PLXNA4: variants seen among roughly 807,000 people sequenced by gnomAD.
PLXNA4 encodes the protein plexin-A4.
Under a neutral mutation model 191.8 loss-of-function variants are expected in PLXNA4, and 44 were observed. That is an observed-to-expected ratio of 0.23 (90% CI 0.18 to 0.29). The LOEUF is 0.29. Ranked by LOEUF, PLXNA4 falls within the 10% of genes least tolerant of loss-of-function variation. The probability of loss-of-function intolerance (pLI) is 1.00; values close to 1 mark genes in which losing one functional copy is unlikely to be tolerated. For missense variants in PLXNA4, 1,800 were observed against 2,488.8 expected, an observed-to-expected ratio of 0.72 and a Z score of 5.89; for synonymous variants, 1,082 against 1,009.5, an observed-to-expected ratio of 1.07 and a Z score of -1.36.
intron 3 of PLXNA4, among the ~76,000 whole-genome samples, chr7:132,338,750 GA>G (rs1420790425): frequency 1.3e-5 from 2 of 152,134 alleles, no homozygotes; most frequent in Admixed American, 6.5e-5. Flanking sequence ...ATGCAGCACT[GA>G]ATAAAAGACA....
rs1050642782 is a variant in PLXNA4, at chr7:132,201,503, C to T, written c.2586+1143G>A. Among the ~76,000 whole-genome samples, 7 of 152,210 alleles carry T rather than the reference C, an allele frequency of 4.6e-5. 1 individual carries two copies. Among genetic ancestry groups the T allele is most frequent in the Admixed American group, 4.6e-4 (7 of 15,290 alleles). ...TGCACAAAGCCCGGTACCAGTTCGT[C>T]CTCACTGTTCACTGAGGCAGAGACT... is the stretch of plus-strand genomic sequence containing the variant. On this transcript the variant is annotated intron_variant, in intron 12 of 31. Coordinates refer to ENST00000321063, the MANE Select transcript of PLXNA4 (RefSeq NM_020911.2).
intron 3 of PLXNA4, among the ~76,000 whole-genome samples, chr7:132,400,749 C>G (rs772114299): frequency 4.6e-5 from 7 of 152,164 alleles, no homozygotes; most frequent in Admixed American, 6.5e-5. Flanking sequence ...CTTGCAAGTC[C>G]CTAGATGTCC....
chr7:132,458,919 C>A (rs543645172), intron 3 of PLXNA4, among the ~76,000 whole-genome samples: 1 of 152,190 alleles, frequency 6.6e-6, no homozygotes, highest in Non-Finnish European at 1.5e-5. Context: ...GGGACAAGCA[C>A]TGCAAATGAG....
In PLXNA4 at chr7:132,168,202, C is replaced by T. The variant is rs948249896; in HGVS notation, c.4286+102G>A. On this transcript the variant is annotated intron_variant, in intron 22 of 31. Coordinates refer to ENST00000321063, the MANE Select transcript of PLXNA4 (RefSeq NM_020911.2). Reference sequence around the variant, plus strand: ...CTAGTTAGTGACTTGAACTTGGGAACATGGCTGCTCTCCTAGGAGCTCCAC... The same window carrying T: ...CTAGTTAGTGACTTGAACTTGGGAATATGGCTGCTCTCCTAGGAGCTCCAC... 1.3e-5 allele frequency: 18 copies of T among 1,388,098 alleles called. No individual in the cohort carries two copies. The East Asian group carries it at 4.9e-4, about 38-fold the overall frequency. The allele number at this position is 1,388,098 out of a possible 1,614,324, so 86.0% of individuals were successfully genotyped here.
At chr7:132,287,615 C>T (rs1800731273) in intron 4 of PLXNA4, among the ~76,000 whole-genome samples, 3 of 152,180 alleles carry the variant, frequency 2.0e-5, no homozygotes, top group Admixed American at 6.5e-5. Context: ...TGGTCACCCC[C>T]ATGGTCTGTC....
chr7:132,535,977 C>A (rs1352422590), intron 1 of PLXNA4, among the ~76,000 whole-genome samples: 1 of 152,158 alleles, frequency 6.6e-6, no homozygotes, highest in Non-Finnish European at 1.5e-5. Flanking sequence ...AGACTCAAAG[C>A]CAGGCTCCAG....
intron 3 of PLXNA4, among the ~76,000 whole-genome samples, chr7:132,441,369 C>T (rs556804648): frequency 8.9e-4 from 136 of 152,340 alleles, no homozygotes; most frequent in Middle Eastern, 3.4e-3. Context: ...AGGCTGATAG[C>T]TCCTCAGATC....
In PLXNA4 at chr7:132,124,275, C is replaced by G. The variant is rs191047005; in HGVS notation, c.*6204G>C. Reference sequence around the variant, plus strand: ...AAGAACAGAAGGTTTAACAAGTCAACAAGCTAACTAGAACGTCGGGGAGGG... The same window carrying G: ...AAGAACAGAAGGTTTAACAAGTCAAGAAGCTAACTAGAACGTCGGGGAGGG... On this transcript the variant is annotated 3_prime_UTR_variant, in exon 32 of 32. Transcript: ENST00000321063. 8.5e-5 allele frequency: 13 copies of G among 152,312 alleles called. No homozygotes were observed. Among genetic ancestry groups the G allele is most frequent in the African/African-American group, 1.9e-4 (8 of 41,564 alleles). The allele number at this position is 152,312 out of a possible 1,614,324, so 9.4% of individuals were successfully genotyped here.
rs759279523 is a variant in PLXNA4 at position 132,133,218 on chromosome 7, A to G, written c.5439-19T>C. 6.2e-7 allele frequency: 1 copy of G among 1,613,220 alleles called. No individual in the cohort carries two copies. The highest frequency in any genetic ancestry group is 8.5e-7 in the Non-Finnish European group (1 of 1,179,566). On this transcript the variant is annotated intron_variant, in intron 30 of 31. Transcript: ENST00000321063. ...GTAATACCTGTGGAGGGATGGAAATAGGGAGAAGCTGAAGTCGTGCATACG... is the reference window on the plus strand; with the variant it reads ...GTAATACCTGTGGAGGGATGGAAATGGGGAGAAGCTGAAGTCGTGCATACG...
chr7:132,181,604 T>C lies in PLXNA4; in HGVS notation c.3269A>G (p.Asn1090Ser). 6.2e-7 allele frequency: 1 copy of C among 1,614,124 alleles called. No individual in the cohort carries two copies. The highest frequency in any genetic ancestry group is 8.5e-7 in the Non-Finnish European group (1 of 1,180,018). Reference sequence around the variant, plus strand: ...CGCCTGACAGGTCATCTCAGTAGCGTTCAGAACCTCACAGATCTGTGGGAG... The same window carrying C: ...CGCCTGACAGGTCATCTCAGTAGCGCTCAGAACCTCACAGATCTGTGGGAG... ...KEHINICEVL[N>S]ATEMTCQAPA... Residue 1090 changes from asparagine (N) to serine (S), a missense_variant, in exon 18 of 32, where the codon AAC becomes AGC. Around this residue, in one of 6 missense-constraint regions of PLXNA4, gnomAD observed 1,397 missense variants for 1,880.4 expected, o/e 0.74. Coordinates refer to ENST00000321063, the MANE Select transcript of PLXNA4 (RefSeq NM_020911.2).
At chr7:132,269,155 C>T (rs978222047) in intron 4 of PLXNA4, among the ~76,000 whole-genome samples, 2 of 152,152 alleles carry the variant, frequency 1.3e-5, no homozygotes, top group Admixed American at 6.5e-5. Flanking sequence ...CTGCTCCTTC[C>T]CCTTCTTCCG....
At chr7:132,506,231 T>C (rs1432528705) in intron 2 of PLXNA4, among the ~76,000 whole-genome samples, 1 of 152,136 alleles carries the variant, frequency 6.6e-6, no homozygotes, top group Non-Finnish European at 1.5e-5. Flanking sequence ...ACCAGAGTGA[T>C]GGCCTCTCCA....
chr7:132,302,266 C>T (rs1372841530), intron 3 of PLXNA4, among the ~76,000 whole-genome samples: 2 of 152,000 alleles, frequency 1.3e-5, no homozygotes, highest in Non-Finnish European at 2.9e-5. Context: ...CTCTTTGGGA[C>T]AGCAAGAAGG....
chr7:132,578,131 G>C (rs530463178), upstream of PLXNA4, among the ~76,000 whole-genome samples: 1 of 152,226 alleles, frequency 6.6e-6, no homozygotes, highest in Non-Finnish European at 1.5e-5. Flanking sequence ...GTGAAGATGG[G>C]GAGTGGGTGG....
chr7:132,644,647 G>C (rs1803830718), intron 2 of PLXNA4, among the ~76,000 whole-genome samples: 1 of 152,188 alleles, frequency 6.6e-6, no homozygotes, highest in Admixed American at 6.5e-5. Context: ...CAGGGAAATA[G>C]ATGGTCCCAG....
Position 132,228,326 on chromosome 7 carries a change from C to T in PLXNA4, c.1728+20G>A, listed in dbSNP as rs1355773355. On this transcript the variant is annotated intron_variant, in intron 6 of 31. Transcript: ENST00000321063. ...TTTCCTTGCATCCCTGGACCCCACC[C>T]CAACCCCCACGACCCTTACCAGCAC... 2.5e-6 allele frequency: 4 copies of T among 1,613,690 alleles called. No individual in the cohort carries two copies. Among genetic ancestry groups the T allele is most frequent in the East Asian group, 2.2e-5 (1 of 44,842 alleles).
intron 9 of PLXNA4, among the ~76,000 whole-genome samples, chr7:132,212,847 C>A (rs1017934261): frequency 1.3e-5 from 2 of 152,154 alleles, no homozygotes; most frequent in Non-Finnish European, 2.9e-5. Flanking sequence ...GCTGCTCACA[C>A]CTTTATCCTG....
At chr7:132,288,098 C>T (rs1197333269) in intron 4 of PLXNA4, among the ~76,000 whole-genome samples, 1 of 152,134 alleles carries the variant, frequency 6.6e-6, no homozygotes, top group East Asian at 1.9e-4. Context: ...AAAGGCATTG[C>T]AGAAGGAGCT....
At chr7:132,272,132 C>T (rs1039216945) in intron 4 of PLXNA4, among the ~76,000 whole-genome samples, 10 of 152,198 alleles carry the variant, frequency 6.6e-5, no homozygotes, top group Non-Finnish European at 1.0e-4. Context: ...ATACAACTAA[C>T]TTCTAATGGC....
Sources: allele counts gnomAD v4.1 joint callset (sites outside exome capture counted in the v4.1 genomes callset), GRCh38; gene constraint gnomAD v4.1.1; regional missense constraint gnomAD v4.1.1; transcripts MANE v1.5; gene names NCBI Gene and HGNC (gene_info 2026-07-23, HGNC 2026-07-21).